The following TSPEAR variants were observed in gnomAD, a reference collection of about 807,000 sequenced individuals.
TSPEAR encodes thrombospondin-type laminin G domain and EAR repeat-containing protein.
A neutral mutation model predicts 71.6 loss-of-function variants in TSPEAR; 69 were observed. The observed-to-expected ratio is 0.96, with a 90% CI of 0.79 to 1.18. TSPEAR has a LOEUF of 1.18. TSPEAR is among the 50% of genes most tolerant of loss of function. The pLI is 0.00. For missense variants in TSPEAR, 971 were observed against 894.9 expected (o/e 1.09, Z -1.09); for synonymous variants, 402 against 387.2 (o/e 1.04, Z -0.45).
At chr21:44,551,647 C>A in intron 2 of TSPEAR, 1 of 813,898 alleles carries the variant, frequency 1.2e-6, no homozygotes, top group Non-Finnish European at 1.9e-6. Context: ...CCGGGAGGAC[C>A]CTCATTATTT....
intron 1 of TSPEAR, chr21:44,681,883 T>C: frequency 1.2e-6 from 2 of 1,614,022 alleles, no homozygotes; most frequent in Non-Finnish European, 1.7e-6. Flanking sequence ...AGGACGCTGG[T>C]GCAGGAAGGC....
chr21:44,640,486 A>G lies in TSPEAR; in HGVS notation c.82+70947T>C, dbSNP rs868918672. 2.6e-5 allele frequency among the ~76,000 whole-genome samples: 4 copies of G among 152,226 alleles called. 1 individual carries two copies. In the South Asian group the frequency reaches 8.3e-4, roughly 32 times the overall value. On this transcript the variant is annotated intron_variant, in intron 1 of 11. Transcript: ENST00000323084. ...GATGGCTGAGAAACACTGGGAATAT[A>G]TTAAAAACCAGTGGATTGTGCACTT...
intron 6 of TSPEAR, among the ~76,000 whole-genome samples, chr21:44,528,153 A>G (rs2052894842): frequency 6.6e-6 from 1 of 152,056 alleles, no homozygotes; most frequent in Non-Finnish European, 1.5e-5. Flanking sequence ...CACATTTCCA[A>G]TTGAGATGCA....
At chr21:44,539,262 G>C in intron 2 of TSPEAR, 1 of 1,593,668 alleles carries the variant, frequency 6.3e-7, no homozygotes. Flanking sequence ...CCCAGGGCGG[G>C]TGCCCATCAG....
chr21:44,599,758 A>T (rs1555928176), intron 1 of TSPEAR, among the ~76,000 whole-genome samples: 1 of 152,246 alleles, frequency 6.6e-6, no homozygotes, highest in African/African-American at 2.4e-5. Context: ...CTTAGATCAG[A>T]TGTCTAGCTG....
rs1984064558 is a variant in TSPEAR, at chr21:44,642,369, A to C, written c.82+69064T>G. Among the ~76,000 whole-genome samples the C allele has an allele frequency of 6.6e-6, 1 of 152,202 alleles. No homozygotes were observed. The highest frequency in any genetic ancestry group is 1.5e-5 in the Non-Finnish European group (1 of 68,038). ...TCAGAAGAAGCCAGAGGTCCTCTGG[A>C]TTCCTCTAGTAAGACTGGTGACATC... On this transcript the variant is annotated intron_variant, in intron 1 of 11. Transcript: ENST00000323084. This position sits in a 1 kb window ranked among gnomAD's most constrained non-coding sequence, Gnocchi z 4.1.
intron 1 of TSPEAR, among the ~76,000 whole-genome samples, chr21:44,602,396 G>C (rs1981005976): frequency 6.6e-6 from 1 of 152,230 alleles, no homozygotes; most frequent in African/African-American, 2.4e-5. Context: ...GGGTGGGGCT[G>C]CTTTGGGGCC....
chr21:44,539,373 C>A lies in TSPEAR; in HGVS notation c.304-5450G>T, dbSNP rs143105755. ...CAGGAGGCCGGGCGGCAGCAGCTGG[C>A]CTGGCAGGAGGAGGCAGGGGCACAG... On this transcript the variant is annotated intron_variant, in intron 2 of 11. Coordinates refer to ENST00000323084, the MANE Select transcript of TSPEAR (RefSeq NM_144991.3). 1.1e-4 allele frequency: 183 copies of A among 1,612,848 alleles called. No individual in the cohort carries two copies. The highest frequency in any genetic ancestry group is 4.7e-4 in the East Asian group (21 of 44,788).
chr21:44,681,283 G>A (rs1986572051), intron 1 of TSPEAR, among the ~76,000 whole-genome samples: 1 of 152,208 alleles, frequency 6.6e-6, no homozygotes, highest in Non-Finnish European at 1.5e-5. Context: ...CTGAGGCTTT[G>A]GCCATCAATG....
intron 1 of TSPEAR, among the ~76,000 whole-genome samples, chr21:44,691,625 T>C (rs1987127731): frequency 6.6e-6 from 1 of 152,230 alleles, no homozygotes; most frequent in Non-Finnish European, 1.5e-5. Context: ...CTACAATAGT[T>C]GGAGACTTTA....
rs782749881 is a variant in TSPEAR, at chr21:44,666,450, C to A, written c.82+44983G>T. 4.4e-6 allele frequency: 7 copies of A among 1,576,726 alleles called. No individual in the cohort carries two copies. The Admixed American group carries it at 1.2e-4, about 27-fold the overall frequency. ...AGCGGGTCTGGAGATTCATGCTCAG[C>A]AGCAGGAAGAGATACTGTAGGAGAT... On this transcript the variant is annotated intron_variant, in intron 1 of 11. Coordinates refer to ENST00000323084, the MANE Select transcript of TSPEAR (RefSeq NM_144991.3).
chr21:44,545,732 C>T (rs1406426696), intron 2 of TSPEAR, among the ~76,000 whole-genome samples: 1 of 151,770 alleles, frequency 6.6e-6, no homozygotes, highest in African/African-American at 2.4e-5. Context: ...ACACAGCAAA[C>T]CAAAACTTAT....
chr21:44,503,798 C>T (rs1212671272), intron 11 of TSPEAR, among the ~76,000 whole-genome samples: 14 of 122,532 alleles, frequency 1.1e-4, no homozygotes, highest in Admixed American at 5.1e-4. Context: ...AAGCTGGCCT[C>T]GGTGAGCCCT....
chr21:44,706,178 A>G (rs1212849385), intron 1 of TSPEAR, among the ~76,000 whole-genome samples: 3 of 152,210 alleles, frequency 2.0e-5, no homozygotes, highest in African/African-American at 7.2e-5. Context: ...TAGGCCAGGT[A>G]GAACTGGCAG....
intron 1 of TSPEAR, among the ~76,000 whole-genome samples, chr21:44,634,073 T>C (rs1404160184): frequency 1.3e-5 from 2 of 152,176 alleles, no homozygotes; most frequent in Non-Finnish European, 2.9e-5. Context: ...AGTAAGACCC[T>C]GGTCCCTAAA....
At chr21:44,646,318 T>C (rs1984354490) in intron 1 of TSPEAR, 1 of 1,224,580 alleles carries the variant, frequency 8.2e-7, no homozygotes, top group African/African-American at 1.5e-5. Flanking sequence ...GAAGAAAAGC[T>C]TGTGGAGCCT....
intron 3 of TSPEAR, among the ~76,000 whole-genome samples, chr21:44,533,441 G>A (rs441378): frequency 2.1e-5 from 3 of 144,290 alleles, no homozygotes; most frequent in African/African-American, 5.2e-5. Flanking sequence ...ATGGCTCCTG[G>A]CCCCTGGTCG....
At chr21:44,690,167 A>G (rs181479861) in intron 1 of TSPEAR, among the ~76,000 whole-genome samples, 21 of 152,222 alleles carry the variant, frequency 1.4e-4, no homozygotes, top group Non-Finnish European at 2.8e-4. Context: ...CAAAACGTCA[A>G]AGAGATAAAA....
chr21:44,513,654 G>C (rs974202811), intron 9 of TSPEAR, among the ~76,000 whole-genome samples: 1 of 152,212 alleles, frequency 6.6e-6, no homozygotes, highest in African/African-American at 2.4e-5. Flanking sequence ...CAGCTCCCTC[G>C]AGGGCGGGTG....
Sources: gnomAD v4.1 joint callset for allele counts (sites outside exome capture counted in the v4.1 genomes callset) on GRCh38, gnomAD v4.1.1 for gene constraint, Gnocchi (gnomAD v3.1) non-coding constraint, MANE v1.5 for transcripts, NCBI Gene and HGNC (gene_info 2026-07-23, HGNC 2026-07-21) for gene names.